The following PLCB1 variants were observed in gnomAD, a reference collection of about 807,000 sequenced individuals.
The protein encoded by PLCB1 is 1-phosphatidylinositol 4,5-bisphosphate phosphodiesterase beta-1.
Under a neutral mutation model 161.8 loss-of-function variants are expected in PLCB1, and 46 were observed. That is an observed-to-expected ratio of 0.28 (90% CI 0.22 to 0.36). The LOEUF (loss-of-function observed/expected upper bound fraction) is 0.36. Among genes scored for constraint, PLCB1 ranks in the 10% least tolerant of loss-of-function variants. PLCB1 has a pLI of 1.00. For missense variants in PLCB1, 1,016 were observed against 1,472.5 expected (o/e 0.69, Z 5.07); for synonymous variants, 517 against 503.7 (o/e 1.03, Z -0.35).
intron 2 of PLCB1, among the ~76,000 whole-genome samples, chr20:8,264,319 AT>A (rs1981846357): frequency 6.6e-6 from 1 of 152,126 alleles, no homozygotes; most frequent in Non-Finnish European, 1.5e-5. Flanking sequence ...TATGATAGCA[AT>A]GCCTTCTTCT....
chr20:8,249,414 C>T (rs1981035275), intron 2 of PLCB1: 1 of 151,886 alleles, frequency 6.6e-6, no homozygotes. Flanking sequence ...ATCGGTAATT[C>T]ATGACTTGTT....
chr20:8,843,796 T>G (rs1443208061), intron 31 of PLCB1, among the ~76,000 whole-genome samples: 3 of 152,188 alleles, frequency 2.0e-5, no homozygotes, highest in Non-Finnish European at 4.4e-5. Context: ...GATACAGGAA[T>G]CCAAAACTCT....
At chr20:8,305,487 G>C (rs574820300) in intron 2 of PLCB1, among the ~76,000 whole-genome samples, 4 of 152,184 alleles carry the variant, frequency 2.6e-5, no homozygotes, top group African/African-American at 9.6e-5. Context: ...TGTGCTTCTG[G>C]GCCAAAACCA....
At chr20:8,785,999 A>C (rs989095937) in intron 27 of PLCB1, among the ~76,000 whole-genome samples, 1 of 152,010 alleles carries the variant, frequency 6.6e-6, no homozygotes, top group East Asian at 1.9e-4. Flanking sequence ...AAAGCATCCA[A>C]ATCACCTCAG....
rs767064814 is a variant in PLCB1, at chr20:8,300,825, G to T, written c.178-70557G>T. On this transcript the variant is annotated intron_variant, in intron 2 of 31. Coordinates refer to ENST00000338037, the MANE Select transcript of PLCB1 (RefSeq NM_015192.4). ...TGGAGTGGAAGACAGGAATGGATTGGCAGTGGAATTCTCAAGGTGCAGATG... is the reference window on the plus strand; with the variant it reads ...TGGAGTGGAAGACAGGAATGGATTGTCAGTGGAATTCTCAAGGTGCAGATG... Among the ~76,000 whole-genome samples the T allele has an allele frequency of 2.6e-5, 4 of 152,120 alleles. No homozygotes were observed. In the East Asian group the frequency reaches 7.7e-4, roughly 29 times the overall value.
chr20:8,829,729 G>A (rs1393405465), intron 31 of PLCB1, among the ~76,000 whole-genome samples: 1 of 152,184 alleles, frequency 6.6e-6, no homozygotes, highest in Non-Finnish European at 1.5e-5. Context: ...AAAGAGTAGA[G>A]AGGGTAGAAC....
intron 3 of PLCB1, among the ~76,000 whole-genome samples, chr20:8,422,796 T>C (rs899510530): frequency 6.6e-6 from 1 of 152,134 alleles, no homozygotes; most frequent in African/African-American, 2.4e-5. Context: ...GCAATCCAGA[T>C]GGCAGAGGGG....
intron 2 of PLCB1, among the ~76,000 whole-genome samples, chr20:8,233,026 C>T (rs1980141268): frequency 6.6e-6 from 1 of 152,174 alleles, no homozygotes; most frequent in Admixed American, 6.5e-5. Flanking sequence ...AGCCCTGTCA[C>T]ACTCTTGGTC....
chr20:8,882,402 G>A lies in PLCB1; in HGVS notation c.*553G>A, dbSNP rs905774548. On this transcript the variant is annotated 3_prime_UTR_variant, in exon 32 of 32. Transcript: ENST00000338037. ...AGTTTGCTAATTTATTTATCATAGA[G>A]TCATCAATGTATTTGTTGCTGACAT... 1.9e-5 allele frequency: 3 copies of A among 157,686 alleles called. No homozygotes were observed. Among genetic ancestry groups the A allele is most frequent in the African/African-American group, 7.2e-5 (3 of 41,380 alleles). 9.8% of individuals were successfully genotyped at this position (157,686 alleles called of 1,614,324 possible).
At chr20:8,473,222 A>C (rs1234572704) in intron 3 of PLCB1, among the ~76,000 whole-genome samples, 2 of 152,170 alleles carry the variant, frequency 1.3e-5, no homozygotes, top group East Asian at 3.9e-4. Flanking sequence ...TACACTGCTG[A>C]ATATTTGCTT....
At chr20:8,673,813 G>C (rs1990007503) in intron 9 of PLCB1, among the ~76,000 whole-genome samples, 1 of 152,102 alleles carries the variant, frequency 6.6e-6, no homozygotes, top group Non-Finnish European at 1.5e-5. Context: ...TATTTGTTGA[G>C]CATTTACAAG....
intron 3 of PLCB1, among the ~76,000 whole-genome samples, chr20:8,589,888 G>T (rs1987098641): frequency 6.6e-6 from 1 of 151,950 alleles, no homozygotes; most frequent in Admixed American, 6.6e-5. Flanking sequence ...CAAAGGGCAG[G>T]GATTACAGGC....
At chr20:8,643,884 C>A (rs1000292280) in intron 4 of PLCB1, among the ~76,000 whole-genome samples, 6 of 152,158 alleles carry the variant, frequency 3.9e-5, no homozygotes, top group Non-Finnish European at 5.9e-5. Flanking sequence ...CGGCTCACTG[C>A]AACCTCCCTG....
chr20:8,233,723 C>G (rs912421013), intron 2 of PLCB1, among the ~76,000 whole-genome samples: 4 of 152,136 alleles, frequency 2.6e-5, no homozygotes, highest in Non-Finnish European at 5.9e-5. Context: ...CCTCCTCCCA[C>G]CACCCTGCTC....
intron 2 of PLCB1, among the ~76,000 whole-genome samples, chr20:8,226,634 T>C (rs1979700251): frequency 6.6e-6 from 1 of 152,072 alleles, no homozygotes; most frequent in Non-Finnish European, 1.5e-5. Context: ...TAACAGGTAA[T>C]GTGAAATAGT....
At chr20:8,369,023 G>A (rs1424166259) in intron 2 of PLCB1, among the ~76,000 whole-genome samples, 2 of 152,106 alleles carry the variant, frequency 1.3e-5, no homozygotes, top group East Asian at 1.9e-4. Context: ...TGAACTCATC[G>A]AAACTGGGAT....
chr20:8,381,870 T>G (rs1011039333), intron 3 of PLCB1, among the ~76,000 whole-genome samples: 7 of 151,966 alleles, frequency 4.6e-5, no homozygotes, highest in Non-Finnish European at 1.0e-4. Context: ...GTCTATCTAT[T>G]TTGTTAATTT....
intron 2 of PLCB1, among the ~76,000 whole-genome samples, chr20:8,328,918 TAC>T (rs920297278): frequency 1.3e-5 from 2 of 152,180 alleles, no homozygotes; most frequent in Admixed American, 6.5e-5. Flanking sequence ...CTGTGCTGGG[TAC>T]AGAGTCAGGG....
rs370605921 is a variant in PLCB1 at position 8,684,944 on chromosome 20, T to C, written c.875T>C (p.Val292Ala). The C allele has an allele frequency of 1.2e-6, 2 of 1,613,278 alleles. No homozygotes were observed. Among genetic ancestry groups the C allele is most frequent in the Non-Finnish European group, 1.7e-6 (2 of 1,179,586 alleles). Reference protein sequence around the residue: ...NSLARKGQISVDGFMRYLSGE... With the variant: ...NSLARKGQISADGFMRYLSGE... ...TCATTTCCTCCAGGACAAATATCAG[T>C]GGATGGGTTCATGCGCTATCTGAGT... is the stretch of plus-strand genomic sequence containing the variant. Residue 292 changes from valine to alanine, a missense_variant, in exon 10 of 32, where the codon GTG becomes GCG. This residue lies in a region of PLCB1 where 117 missense variants were observed against 142.2 expected (regional missense o/e 0.82). Coordinates refer to ENST00000338037, the MANE Select transcript of PLCB1 (RefSeq NM_015192.4).
Sources: allele counts gnomAD v4.1 joint callset (sites outside exome capture counted in the v4.1 genomes callset), GRCh38; gene constraint gnomAD v4.1.1; regional missense constraint gnomAD v4.1.1; transcripts MANE v1.5; gene names NCBI Gene and HGNC (gene_info 2026-07-23, HGNC 2026-07-21).